The following TTC39B variants were observed in gnomAD, a reference collection of about 807,000 sequenced individuals.
TTC39B encodes tetratricopeptide repeat protein 39B.
TTC39B carries 92 observed loss-of-function variants against 96.6 expected under a neutral mutation model. The ratio of observed to expected loss-of-function variants is 0.95; its 90% confidence interval spans 0.80 to 1.13. The LOEUF is 1.13. Ranked by LOEUF, TTC39B falls within the 50% of genes most tolerant of loss-of-function variation. The pLI, the probability that TTC39B is intolerant of heterozygous loss-of-function variation, is 0.00. For synonymous variants in TTC39B, 367 were observed against 299.4 expected (o/e 1.23, Z -2.33); for missense variants, 955 against 809.3 (o/e 1.18, Z -2.18).
chr9:15,194,309 T>C (rs1476318234), intron 8 of TTC39B, among the ~76,000 whole-genome samples: 1 of 152,224 alleles, frequency 6.6e-6, no homozygotes, highest in African/African-American at 2.4e-5. Flanking sequence ...CTATATGGAC[T>C]TTTTTCGTCT....
chr9:15,202,717 C>T (rs1229653502), intron 7 of TTC39B, among the ~76,000 whole-genome samples: 1 of 150,646 alleles, frequency 6.6e-6, no homozygotes, highest in East Asian at 1.9e-4. Flanking sequence ...AACCACCCTG[C>T]CACCCCTCCC....
rs142791228 is a variant in TTC39B at position 15,219,540 on chromosome 9, C to T, written c.372-5291G>A. Among the ~76,000 whole-genome samples the T allele has an allele frequency of 3.9e-3, 594 of 152,320 alleles. 13 individuals are homozygous for T. The highest frequency in any genetic ancestry group is 0.031 in the Admixed American group (471 of 15,300). On this transcript the variant is annotated intron_variant, in intron 3 of 19. Transcript: ENST00000512701. Reference sequence around the variant, plus strand: ...AATAATCATATCCCCTCACCCTTCTCCCCTGAAGCAGGTGACAAGACCCTC... The same window carrying T: ...AATAATCATATCCCCTCACCCTTCTTCCCTGAAGCAGGTGACAAGACCCTC...
intron 1 of TTC39B, among the ~76,000 whole-genome samples, chr9:15,283,100 C>G (rs1033407146): frequency 1.3e-5 from 2 of 152,154 alleles, no homozygotes; most frequent in African/African-American, 4.8e-5. Flanking sequence ...CCACAAGCAC[C>G]AAGCGCCACG....
At chr9:15,244,059 AT>A (rs1168331934) in intron 2 of TTC39B, among the ~76,000 whole-genome samples, 3 of 152,264 alleles carry the variant, frequency 2.0e-5, no homozygotes, top group African/African-American at 7.2e-5. Flanking sequence ...CAGAGCCTGT[AT>A]CTTTTCAAAT....
intron 1 of TTC39B, among the ~76,000 whole-genome samples, chr9:15,281,266 G>A (rs767953862): frequency 6.6e-6 from 1 of 152,114 alleles, no homozygotes; most frequent in Non-Finnish European, 1.5e-5. Context: ...TGTAAAATGG[G>A]AATAACAGTG....
intron 1 of TTC39B, among the ~76,000 whole-genome samples, chr9:15,277,932 G>C (rs79184732): frequency 6.6e-6 from 1 of 152,028 alleles, no homozygotes; most frequent in Non-Finnish European, 1.5e-5. Flanking sequence ...ATGATTCTTC[G>C]GAATTTCCAA....
At chr9:15,281,195 A>G (rs1177023891) in intron 1 of TTC39B, among the ~76,000 whole-genome samples, 2 of 152,158 alleles carry the variant, frequency 1.3e-5, no homozygotes, top group African/African-American at 4.8e-5. Flanking sequence ...AACAACAACA[A>G]CAAAAACCCA....
At chr9:15,238,350 T>C (rs1821882813) in intron 2 of TTC39B, among the ~76,000 whole-genome samples, 1 of 152,144 alleles carries the variant, frequency 6.6e-6, no homozygotes, top group Admixed American at 6.5e-5. Context: ...CATAATCATA[T>C]ACCTAGAAAG....
intron 1 of TTC39B, among the ~76,000 whole-genome samples, chr9:15,295,639 A>T (rs1824346749): frequency 6.6e-6 from 1 of 152,268 alleles, no homozygotes; most frequent in Non-Finnish European, 1.5e-5. Flanking sequence ...AGACTTTAAA[A>T]GCATAAAGAG....
In TTC39B at chr9:15,198,606, C is replaced by T. The variant is rs539214669; in HGVS notation, c.824+1255G>A. Among the ~76,000 whole-genome samples the T allele has an allele frequency of 2.3e-4, 35 of 151,400 alleles. No homozygotes were observed. In the South Asian group the frequency reaches 5.0e-3, roughly 22 times the overall value. ...AATAACTTAAAAACAATATTATAAA[C>T]ACTAGAGCAACCACAAAAAAATTAG... On this transcript the variant is annotated intron_variant, in intron 8 of 19. Coordinates refer to ENST00000512701, the Ensembl canonical transcript of TTC39B.
intron 2 of TTC39B, among the ~76,000 whole-genome samples, chr9:15,252,032 T>C (rs1822580157): frequency 6.6e-6 from 1 of 151,866 alleles, no homozygotes; most frequent in Non-Finnish European, 1.5e-5. Flanking sequence ...ACAGCAAATA[T>C]CATGTGCGCT....
chr9:15,300,891 CAA>C (rs71491658), intron 1 of TTC39B, among the ~76,000 whole-genome samples: 343 of 81,024 alleles, frequency 4.2e-3, no homozygotes, highest in Middle Eastern at 0.01. Flanking sequence ...AACTCCGTCT[CAA>C]AAAAAAAAAA....
chr9:15,196,618 T>A (rs1005008604), intron 8 of TTC39B, among the ~76,000 whole-genome samples: 1 of 152,118 alleles, frequency 6.6e-6, no homozygotes, highest in African/African-American at 2.4e-5. Context: ...GGATGAGGAG[T>A]TGCCTCTTAT....
chr9:15,184,657 C>G (rs1017599926), intron 16 of TTC39B, among the ~76,000 whole-genome samples: 1 of 152,146 alleles, frequency 6.6e-6, no homozygotes, highest in African/African-American at 2.4e-5. Context: ...TGAGCTGGAG[C>G]TAGAATACAA....
intron 2 of TTC39B, among the ~76,000 whole-genome samples, chr9:15,252,414 C>T (rs755076093): frequency 2.0e-5 from 3 of 152,026 alleles, no homozygotes; most frequent in East Asian, 1.9e-4. Flanking sequence ...TTTGGGAGGC[C>T]GAGACGGGCG....
At chr9:15,167,020 A>AT (rs1817539929) in exon 20 of TTC39B, 5 of 7,132 alleles carry the variant, frequency 7.0e-4, no homozygotes, top group African/African-American at 2.3e-3. Context: ...ATATATATAT[A>AT]TATATATATT....
intron 19 of TTC39B, among the ~76,000 whole-genome samples, chr9:15,172,913 T>C (rs1236557878): frequency 6.6e-6 from 1 of 152,176 alleles, no homozygotes; most frequent in Admixed American, 6.5e-5. Flanking sequence ...AATATGTTAC[T>C]GGAGTTTACC....
intron 1 of TTC39B, among the ~76,000 whole-genome samples, chr9:15,279,011 C>A (rs1170988298): frequency 6.6e-6 from 1 of 152,230 alleles, no homozygotes; most frequent in African/African-American, 2.4e-5. Context: ...TTATCCATAA[C>A]TGAGCCTCAA....
intron 2 of TTC39B, among the ~76,000 whole-genome samples, chr9:15,245,014 T>C (rs1403591017): frequency 6.6e-6 from 1 of 152,244 alleles, no homozygotes; most frequent in Non-Finnish European, 1.5e-5. Context: ...GGTTCTCTGG[T>C]TGGAGTTTAC....
Sources: gnomAD v4.1 joint callset for allele counts (sites outside exome capture counted in the v4.1 genomes callset) on GRCh38, gnomAD v4.1.1 for gene constraint, MANE v1.5 for transcripts, NCBI Gene and HGNC (gene_info 2026-07-23, HGNC 2026-07-21) for gene names.